The following MRTFB variants were observed in gnomAD, a reference collection of about 807,000 sequenced individuals.
MRTFB encodes myocardin related transcription factor B.
Under a neutral mutation model 104.2 loss-of-function variants are expected in MRTFB, and 29 were observed. That is an observed-to-expected ratio of 0.28 (90% CI 0.21 to 0.38). The LOEUF is 0.38. MRTFB is among the 10% of genes least tolerant of loss of function. The probability of loss-of-function intolerance (pLI) is 1.00; values close to 1 mark genes in which losing one functional copy is unlikely to be tolerated. For synonymous variants in MRTFB, 535 were observed against 519.5 expected, an observed-to-expected ratio of 1.03 and a Z score of -0.41; for missense variants, 1,270 against 1,341.6, an observed-to-expected ratio of 0.95 and a Z score of 0.83.
intron 12 of MRTFB, chr16:14,248,715 T>C (rs976933873): frequency 2.1e-6 from 1 of 467,798 alleles, no homozygotes; most frequent in East Asian, 3.8e-5. Context: ...TTAGGAATAA[T>C]AAGAGCATGC....
In MRTFB at chr16:14,257,987, A is replaced by G. The variant is rs2043578581; in HGVS notation, c.2704-114A>G. On this transcript the variant is annotated intron_variant, in intron 15 of 16. Transcript: ENST00000571589. The stretch of plus-strand genomic sequence containing the variant: ...CTCAGGTGACCTCAGTGTTTTCAAA[A>G]TTATCACGATAGATTAGAACTAAAT... 2.1e-5 allele frequency: 19 copies of G among 903,400 alleles called. No individual in the cohort carries two copies. In the South Asian group the frequency reaches 3.0e-4, roughly 14 times the overall value. The allele number at this position is 903,400 out of a possible 1,614,324, so 56.0% of individuals were successfully genotyped here.
At chr16:14,034,043 G>A in the MRTFB span, among the ~76,000 whole-genome samples, 3 of 152,138 alleles carry the variant, frequency 2.0e-5, no homozygotes, top group South Asian at 2.1e-4. Flanking sequence ...GTCCGCTCCC[G>A]CCCTTCTCCC....
At chr16:14,095,917 G>A (rs1194259290) in intron 2 of MRTFB, among the ~76,000 whole-genome samples, 1 of 152,282 alleles carries the variant, frequency 6.6e-6, no homozygotes, top group South Asian at 2.1e-4. Flanking sequence ...AGTGTCTAAT[G>A]TAGATATAAA....
At chr16:14,028,703 G>T in the MRTFB span, among the ~76,000 whole-genome samples, 7 of 152,304 alleles carry the variant, frequency 4.6e-5, no homozygotes, top group Middle Eastern at 0.014. Context: ...CTAGTTGTGC[G>T]ATCTTGGAAC....
chr16:14,179,014 A>G (rs1051941902), intron 3 of MRTFB, among the ~76,000 whole-genome samples: 9 of 152,190 alleles, frequency 5.9e-5, no homozygotes, highest in African/African-American at 2.2e-4. Context: ...AAGTGCGGGA[A>G]TTACAGGCAT....
chr16:14,042,900 C>A, the MRTFB span, among the ~76,000 whole-genome samples: 1 of 152,156 alleles, frequency 6.6e-6, no homozygotes, highest in Admixed American at 6.5e-5. Flanking sequence ...GGCCTGGATG[C>A]TTTCCACTGG....
chr16:14,003,578 A>G, the MRTFB span, among the ~76,000 whole-genome samples: 2 of 151,558 alleles, frequency 1.3e-5, no homozygotes, highest in Non-Finnish European at 2.9e-5. Context: ...AGGGAAGACC[A>G]CTGCTTGAGC....
chr16:14,135,413 A>C (rs1215997299), intron 2 of MRTFB, among the ~76,000 whole-genome samples: 2 of 152,196 alleles, frequency 1.3e-5, no homozygotes, highest in African/African-American at 4.8e-5. Flanking sequence ...TGTTACAGTC[A>C]CCTGTAACAG....
the MRTFB span, among the ~76,000 whole-genome samples, chr16:14,003,623 G>GGCCGGCCTGCCTGCCTGCCTGCCTGCCT: frequency 4.8e-4 from 41 of 85,434 alleles, no homozygotes; most frequent in East Asian, 8.2e-3. Context: ...GGGGCCGGCC[G>GGCCGGCCTGCCTGCCTGCCTGCCTGCCT]GCCTGCCTGC....
At chr16:14,159,367 C>A (rs1315522605) in intron 3 of MRTFB, among the ~76,000 whole-genome samples, 2 of 152,132 alleles carry the variant, frequency 1.3e-5, no homozygotes, top group East Asian at 3.8e-4. Flanking sequence ...TTAAAAATTT[C>A]TCTAGTAGAA....
intron 15 of MRTFB, among the ~76,000 whole-genome samples, chr16:14,257,737 A>G (rs2043561967): frequency 1.3e-5 from 2 of 152,332 alleles, no homozygotes; most frequent in South Asian, 4.1e-4. Flanking sequence ...GTAAATCTCA[A>G]TAGAACTGAA....
At chr16:13,995,529 G>A in the MRTFB span, among the ~76,000 whole-genome samples, 3 of 152,150 alleles carry the variant, frequency 2.0e-5, no homozygotes, top group Admixed American at 6.5e-5. Context: ...CAGCCTTTGG[G>A]CTTGGTTCAG....
chr16:14,098,504 T>C lies in MRTFB; in HGVS notation c.-64+19150T>C, dbSNP rs547508011. ...TGATTTGCAATATTTTATCTCAGCCTATGACTTATCTTTTCACCCTCTTAA... is the reference window on the plus strand; with the variant it reads ...TGATTTGCAATATTTTATCTCAGCCCATGACTTATCTTTTCACCCTCTTAA... On this transcript the variant is annotated intron_variant, in intron 2 of 16. Transcript: ENST00000571589. Among the ~76,000 whole-genome samples, 13 of 152,350 alleles carry C rather than the reference T, an allele frequency of 8.5e-5. No individual in the cohort carries two copies. In the East Asian group the frequency reaches 2.1e-3, roughly 25 times the overall value.
At chr16:14,093,328 A>G (rs1596788413) in intron 2 of MRTFB, among the ~76,000 whole-genome samples, 1 of 151,958 alleles carries the variant, frequency 6.6e-6, no homozygotes, top group Non-Finnish European at 1.5e-5. Context: ...ACCCTTCCAT[A>G]TGACAAGATA....
At position 14,182,653 on chromosome 16, in the gene MRTFB, G is replaced by A. The variant is rs76658068; in HGVS notation, c.155-27590G>A. On this transcript the variant is annotated intron_variant, in intron 3 of 16. Coordinates refer to ENST00000571589, the MANE Select transcript of MRTFB (RefSeq NM_001308142.2). ...AACAGTGACACCCTTGCAGCAGTGAGCATACCTAGCATTCAGACCTTGGGT... is the reference window on the plus strand; with the variant it reads ...AACAGTGACACCCTTGCAGCAGTGAACATACCTAGCATTCAGACCTTGGGT... Among the ~76,000 whole-genome samples the A allele has an allele frequency of 5.1e-3, 783 of 152,264 alleles. 5 individuals carry two copies. Among genetic ancestry groups the A allele is most frequent in the Non-Finnish European group, 9.1e-3 (620 of 68,030 alleles).
chr16:14,163,022 C>T (rs1182616021), intron 3 of MRTFB, among the ~76,000 whole-genome samples: 1 of 152,136 alleles, frequency 6.6e-6, no homozygotes, highest in East Asian at 1.9e-4. Context: ...CCAAAAACAT[C>T]AACGTATTTA....
chr16:14,089,412 C>T (rs926241672), intron 2 of MRTFB, among the ~76,000 whole-genome samples: 7 of 152,122 alleles, frequency 4.6e-5, no homozygotes, highest in South Asian at 2.1e-4. Context: ...AAATATGTGA[C>T]CTTTTGTGTC....
At chr16:14,028,187 AAAAC>A in the MRTFB span, among the ~76,000 whole-genome samples, 12 of 151,358 alleles carry the variant, frequency 7.9e-5, no homozygotes, top group Admixed American at 1.3e-4. Flanking sequence ...AAAAAACAAA[AAAAC>A]AAACAAACAC....
intron 3 of MRTFB, among the ~76,000 whole-genome samples, chr16:14,146,542 A>G (rs2038326288): frequency 6.6e-6 from 1 of 152,240 alleles, no homozygotes; most frequent in Non-Finnish European, 1.5e-5. Context: ...GCTGCACACA[A>G]GAGAACCCAA....
Sources: allele counts gnomAD v4.1 joint callset (sites outside exome capture counted in the v4.1 genomes callset), GRCh38; gene constraint gnomAD v4.1.1; transcripts MANE v1.5; gene names NCBI Gene and HGNC (gene_info 2026-07-23, HGNC 2026-07-21).